Variants in TTC34 observed in about 807,000 individuals in gnomAD.
The protein encoded by TTC34 is tetratricopeptide repeat domain 34.
In TTC34, 44 loss-of-function variants were observed where a neutral mutation model predicts 40.7. The observed-to-expected ratio is 1.08, with a 90% CI of 0.85 to 1.39. TTC34 has a LOEUF of 1.39. Ranked by LOEUF, TTC34 falls within the 40% of genes most tolerant of loss-of-function variation. The pLI, the probability that TTC34 is intolerant of heterozygous loss-of-function variation, is 0.00. For missense variants in TTC34, 884 were observed against 838.0 expected, an observed-to-expected ratio of 1.05 and a Z score of -0.68; for synonymous variants, 422 against 398.6, an observed-to-expected ratio of 1.06 and a Z score of -0.70.
exon 3 of TTC34, chr1:2,789,727 G>A (rs919981383): frequency 6.5e-6 from 6 of 921,150 alleles, no homozygotes; most frequent in East Asian, 3.3e-5. Context: ...CCAGGAACGC[G>A]CTGCCCGCCA....
chr1:2,785,442 T>C (rs1043199045), intron 5 of TTC34, among the ~76,000 whole-genome samples: 2 of 152,066 alleles, frequency 1.3e-5, no homozygotes, highest in Non-Finnish European at 2.9e-5. Flanking sequence ...CAGGCGTGCA[T>C]AGGAGGAGCC....
exon 8 of TTC34, chr1:2,644,290 C>G (rs751494609): frequency 6.5e-7 from 1 of 1,535,144 alleles, no homozygotes; most frequent in South Asian, 1.2e-5. Context: ...CGCTCCGAGG[C>G]CTCCAGGAGA....
intron 6 of TTC34, among the ~76,000 whole-genome samples, chr1:2,652,903 G>C (rs576894174): frequency 6.6e-6 from 1 of 152,260 alleles, no homozygotes; most frequent in Non-Finnish European, 1.5e-5. Flanking sequence ...GTGAGCATCG[G>C]AGAGTCTGGA....
chr1:2,690,565 G>T (rs1277675199), intron 6 of TTC34, among the ~76,000 whole-genome samples: 1 of 139,812 alleles, frequency 7.2e-6, no homozygotes, highest in African/African-American at 2.7e-5. Context: ...TGACCGCATG[G>T]AGCAGCACCC....
intron 6 of TTC34, among the ~76,000 whole-genome samples, chr1:2,687,500 C>A (rs1640418691): frequency 6.7e-6 from 1 of 148,370 alleles, no homozygotes; most frequent in African/African-American, 2.6e-5. Context: ...AGGCGAGCAT[C>A]TGACATCCTT....
exon 3 of TTC34, chr1:2,790,030 G>A: frequency 2.5e-6 from 1 of 396,720 alleles, no homozygotes; most frequent in East Asian, 3.6e-5. Context: ...GTCGCGCCCC[G>A]GCAGGCGCCA....
In TTC34 at chr1:2,686,547, G is replaced by C. The variant is rs556599347; in HGVS notation, c.2227-40984C>G. Among the ~76,000 whole-genome samples, 37 of 119,146 alleles carry C rather than the reference G, an allele frequency of 3.1e-4. 2 individuals are homozygous for C. Among genetic ancestry groups the C allele is most frequent in the African/African-American group, 1.0e-3 (30 of 28,632 alleles). The allele number at this position is 119,146 out of a possible 152,430, so 78.2% of individuals were successfully genotyped here. A position where few individuals can be genotyped will look rare whatever the true frequency, so the allele number is the denominator to read the frequency against. On this transcript the variant is annotated intron_variant, in intron 6 of 8. Coordinates refer to ENST00000401095, the Ensembl canonical transcript of TTC34. Reference sequence around the variant, plus strand: ...CCCCAGGGGAGCATCTGACAGCCTGGAACAGCACGCACACACCCAGGTGAG... The same window carrying C: ...CCCCAGGGGAGCATCTGACAGCCTGCAACAGCACGCACACACCCAGGTGAG...
chr1:2,685,206 T>A (rs1260836685), intron 6 of TTC34, among the ~76,000 whole-genome samples: 3 of 110,520 alleles, frequency 2.7e-5, no homozygotes, highest in South Asian at 3.4e-4. Context: ...CACCCCCAGG[T>A]GAGCATCTGA....
At chr1:2,769,700 C>G (rs1569764791) in intron 6 of TTC34, among the ~76,000 whole-genome samples, 3 of 136,992 alleles carry the variant, frequency 2.2e-5, no homozygotes, top group Admixed American at 7.2e-5. Flanking sequence ...CAGTCTGGAG[C>G]AGCACCCACA....
At chr1:2,752,121 C>A (rs1641339712) in intron 6 of TTC34, among the ~76,000 whole-genome samples, 1 of 112,058 alleles carries the variant, frequency 8.9e-6, no homozygotes. Flanking sequence ...CCTGGAGCAA[C>A]ACCCACGCCC....
chr1:2,652,105 A>G (rs56352113), intron 6 of TTC34, among the ~76,000 whole-genome samples: 483 of 3,348 alleles, frequency 0.14, 172 homozygotes, highest in Middle Eastern at 0.3. Flanking sequence ...CATCTGACAG[A>G]CTGGAACAGC....
At chr1:2,787,594 C>T in exon 4 of TTC34, 1 of 1,549,538 alleles carries the variant, frequency 6.5e-7, no homozygotes, top group African/African-American at 1.4e-5. Context: ...TTGTGGGTCT[C>T]CTCCAGGCGG....
chr1:2,799,199 C>G (rs1432637462), intron 2 of TTC34, among the ~76,000 whole-genome samples: 2 of 152,346 alleles, frequency 1.3e-5, no homozygotes, highest in East Asian at 3.9e-4. Context: ...TGTCCTTACT[C>G]TGGTTCCTCT....
chr1:2,754,289 C>A (rs1641424912), intron 6 of TTC34, among the ~76,000 whole-genome samples: 2 of 50,614 alleles, frequency 4.0e-5, no homozygotes, highest in Admixed American at 1.9e-4. Context: ...CCTGGAACAG[C>A]ACGCACACCC....
chr1:2,696,718 A>G (rs1640883780), intron 6 of TTC34, among the ~76,000 whole-genome samples: 2 of 87,266 alleles, frequency 2.3e-5, no homozygotes, highest in African/African-American at 4.0e-5. Context: ...CAGGACCCAC[A>G]CCCCTAGGTG....
chr1:2,779,130 T>C (rs1471424668), intron 6 of TTC34, among the ~76,000 whole-genome samples: 2 of 152,200 alleles, frequency 1.3e-5, no homozygotes, highest in Non-Finnish European at 2.9e-5. Flanking sequence ...TAATTCCCCA[T>C]TGTATGGATG....
At chr1:2,647,330 A>G (rs1365684534) in intron 6 of TTC34, among the ~76,000 whole-genome samples, 1 of 152,130 alleles carries the variant, frequency 6.6e-6, no homozygotes, top group Non-Finnish European at 1.5e-5. Context: ...TTAATTTTTA[A>G]AAGTTTTTTA....
At chr1:2,651,830 G>A (rs1042533897) in intron 6 of TTC34, among the ~76,000 whole-genome samples, 3 of 152,110 alleles carry the variant, frequency 2.0e-5, no homozygotes, top group Non-Finnish European at 4.4e-5. Context: ...GGACAGCCTG[G>A]AACGGTACCA....
At chr1:2,776,182 A>T (rs1643144187) in intron 6 of TTC34, 1 of 124,666 alleles carries the variant, frequency 8.0e-6, no homozygotes, top group African/African-American at 3.9e-5. Flanking sequence ...TGAGCATCTG[A>T]TAGCCTGGAT....
Sources: gnomAD v4.1 joint callset for allele counts (sites outside exome capture counted in the v4.1 genomes callset) on GRCh38, gnomAD v4.1.1 for gene constraint, MANE v1.5 for transcripts, NCBI Gene and HGNC (gene_info 2026-07-23, HGNC 2026-07-21) for gene names.